The following FOXP2 variants were observed in gnomAD, a reference collection of about 807,000 sequenced individuals.
FOXP2 encodes forkhead box P2, also known as forkhead box protein P2.
In FOXP2, 12 loss-of-function variants were observed where a neutral mutation model predicts 115.8. The ratio of observed to expected loss-of-function variants is 0.10; its 90% CI spans 0.07 to 0.17. The LOEUF (loss-of-function observed/expected upper bound fraction) is 0.17. Among genes scored for constraint, FOXP2 ranks in the 10% least tolerant of loss-of-function variants. The pLI is 1.00. For synonymous variants in FOXP2, 328 were observed against 297.7 expected (o/e 1.10, Z -1.05); for missense variants, 629 against 843.5 (o/e 0.75, Z 3.15).
chr7:114,589,624 T>C (rs939052763), intron 3 of FOXP2, among the ~76,000 whole-genome samples: 9 of 152,184 alleles, frequency 5.9e-5, no homozygotes, highest in African/African-American at 2.2e-4. Context: ...GACTTTATCC[T>C]GGGGGCAAAA....
intron 7 of FOXP2, among the ~76,000 whole-genome samples, chr7:114,643,834 C>T (rs1482562319): frequency 1.3e-5 from 2 of 152,138 alleles, no homozygotes; most frequent in African/African-American, 4.8e-5. Flanking sequence ...GTGTAGTGGA[C>T]TGATAGTGTT....
At chr7:114,273,953 C>A (rs1028596622) in intron 1 of FOXP2, among the ~76,000 whole-genome samples, 3 of 151,884 alleles carry the variant, frequency 2.0e-5, no homozygotes, top group Non-Finnish European at 2.9e-5. Context: ...TAATATCTAC[C>A]ATATTTATTA....
At chr7:114,647,387 C>T (rs1018039580) in intron 8 of FOXP2, among the ~76,000 whole-genome samples, 1 of 150,462 alleles carries the variant, frequency 6.6e-6, no homozygotes. Flanking sequence ...ATTTATGTAT[C>T]GTATATATTT....
intron 2 of FOXP2, among the ~76,000 whole-genome samples, chr7:114,467,331 C>T (rs1286445864): frequency 6.6e-6 from 1 of 152,052 alleles, no homozygotes; most frequent in Non-Finnish European, 1.5e-5. Context: ...ATATAAGCAC[C>T]ATTTACATAA....
At chr7:114,233,073 T>A (rs534907002) in intron 1 of FOXP2, among the ~76,000 whole-genome samples, 9 of 152,274 alleles carry the variant, frequency 5.9e-5, no homozygotes, top group Admixed American at 5.2e-4. Context: ...TATGAATACA[T>A]ACTAGAGATC....
rs184647389 is a variant in FOXP2, at chr7:114,241,869, C to T, written c.-101-46150C>T. Among the ~76,000 whole-genome samples, 84 of 151,790 alleles carry T rather than the reference C, an allele frequency of 5.5e-4. No homozygotes were observed. The East Asian group carries it at 0.012, about 21-fold the overall frequency. On this transcript the variant is annotated intron_variant, in intron 1 of 17. Coordinates refer to the FOXP2 transcript ENST00000634411. ...ATCATCAATATTATTTTCATTACTG[C>T]TCTCCCTGCTTCCTTTCTTTCCCCC...
chr7:114,325,968 T>G (rs1259466964), intron 2 of FOXP2, among the ~76,000 whole-genome samples: 1 of 152,086 alleles, frequency 6.6e-6, no homozygotes, highest in Non-Finnish European at 1.5e-5. Context: ...AACCCCATAA[T>G]AGATACAACA....
At chr7:114,369,541 A>T (rs900767341) in intron 2 of FOXP2, among the ~76,000 whole-genome samples, 1 of 152,180 alleles carries the variant, frequency 6.6e-6, no homozygotes, top group Non-Finnish European at 1.5e-5. Flanking sequence ...TGCTAAAAAA[A>T]AAAGGATATG....
At chr7:114,466,277 A>G (rs983938203) in intron 2 of FOXP2, among the ~76,000 whole-genome samples, 5 of 152,166 alleles carry the variant, frequency 3.3e-5, no homozygotes, top group Non-Finnish European at 1.5e-5. Context: ...CTTGCCTCTT[A>G]TTCTCATTAC....
At chr7:114,184,745 A>G (rs1793549330) in intron 1 of FOXP2, among the ~76,000 whole-genome samples, 1 of 152,184 alleles carries the variant, frequency 6.6e-6, no homozygotes, top group Non-Finnish European at 1.5e-5. Flanking sequence ...TGGTAAAGCA[A>G]AAATCAGTTC....
At chr7:114,550,908 A>G (rs997489825) in intron 3 of FOXP2, among the ~76,000 whole-genome samples, 10 of 152,234 alleles carry the variant, frequency 6.6e-5, no homozygotes, top group Non-Finnish European at 1.0e-4. Flanking sequence ...AGTGTTTGAT[A>G]TGGTTATGTT....
chr7:114,241,998 C>G (rs566765220), intron 1 of FOXP2, among the ~76,000 whole-genome samples: 1 of 149,220 alleles, frequency 6.7e-6, no homozygotes, highest in South Asian at 2.2e-4. Context: ...CTTTGGACTT[C>G]TGTTTGCCTC....
At chr7:114,570,403 G>C in intron 3 of FOXP2, among the ~76,000 whole-genome samples, 1 of 151,730 alleles carries the variant, frequency 6.6e-6, no homozygotes, top group East Asian at 1.9e-4. Flanking sequence ...ACAAGTCAGA[G>C]GTTTGCTTTT....
intron 1 of FOXP2, among the ~76,000 whole-genome samples, chr7:114,152,659 A>G (rs1464698250): frequency 6.6e-6 from 1 of 152,184 alleles, no homozygotes; most frequent in Non-Finnish European, 1.5e-5. Flanking sequence ...TCTGTTGTGT[A>G]GTCAAGGGAG....
intron 1 of FOXP2, among the ~76,000 whole-genome samples, chr7:114,257,323 C>T (rs538132604): frequency 6.6e-6 from 1 of 152,194 alleles, no homozygotes; most frequent in Admixed American, 6.5e-5. Flanking sequence ...AAATGTAAAA[C>T]CCCAAACTAT....
At chr7:114,577,483 G>T (rs1239457962) in intron 3 of FOXP2, among the ~76,000 whole-genome samples, 1 of 151,878 alleles carries the variant, frequency 6.6e-6, no homozygotes, top group South Asian at 2.1e-4. Context: ...GATTCATACT[G>T]TTAATCAGAT....
intron 2 of FOXP2, among the ~76,000 whole-genome samples, chr7:114,296,044 A>C (rs959688971): frequency 6.6e-6 from 1 of 152,236 alleles, no homozygotes; most frequent in African/African-American, 2.4e-5. Flanking sequence ...AAGCCCATAA[A>C]GAAAGCAAAG....
At chr7:114,535,676 A>C (rs1799354131) in intron 3 of FOXP2, among the ~76,000 whole-genome samples, 1 of 151,546 alleles carries the variant, frequency 6.6e-6, no homozygotes, top group South Asian at 2.1e-4. Context: ...TGATCTGTAC[A>C]ATCCAAAAAT....
intron 1 of FOXP2, among the ~76,000 whole-genome samples, chr7:114,418,193 T>C (rs1466491656): frequency 6.6e-6 from 1 of 151,988 alleles, no homozygotes; most frequent in Non-Finnish European, 1.5e-5. Flanking sequence ...TGTTATGTCC[T>C]AATTGGTTAC....
Sources: allele counts gnomAD v4.1 joint callset (sites outside exome capture counted in the v4.1 genomes callset), GRCh38; gene constraint gnomAD v4.1.1; transcripts MANE v1.5; gene names NCBI Gene and HGNC (gene_info 2026-07-23, HGNC 2026-07-21).